The following PICALM variants were observed in gnomAD, a reference collection of about 807,000 sequenced individuals.
PICALM encodes phosphatidylinositol binding clathrin assembly protein, also known as phosphatidylinositol-binding clathrin assembly protein.
A neutral mutation model predicts 80.5 loss-of-function variants in PICALM; 40 were observed. That is an observed-to-expected ratio of 0.50 (90% CI 0.39 to 0.65). The LOEUF (loss-of-function observed/expected upper bound fraction) is 0.65, where lower values mean the gene tolerates loss of function less well. Ranked by LOEUF, PICALM falls within the 30% of genes least tolerant of loss-of-function variation. The probability of loss-of-function intolerance (pLI) is 0.00; values close to 1 mark genes in which losing one functional copy is unlikely to be tolerated. For missense variants in PICALM, 676 were observed against 778.9 expected (o/e 0.87, Z 1.57); for synonymous variants, 288 against 260.3 (o/e 1.11, Z -1.02).
At chr11:85,970,780 G>A (rs2094081271) in intron 19 of PICALM, among the ~76,000 whole-genome samples, 1 of 152,152 alleles carries the variant, frequency 6.6e-6, no homozygotes, top group African/African-American at 2.4e-5. Context: ...TCCAGCCTGG[G>A]GGACAGAGTG....
At chr11:86,064,387 TG>T (rs2096412807) in intron 1 of PICALM, among the ~76,000 whole-genome samples, 1 of 152,188 alleles carries the variant, frequency 6.6e-6, no homozygotes, top group African/African-American at 2.4e-5. Flanking sequence ...ATACAGGATA[TG>T]GTGACTCACA....
intron 9 of PICALM, among the ~76,000 whole-genome samples, chr11:86,001,403 G>T (rs1053585797): frequency 3.9e-4 from 60 of 152,126 alleles, no homozygotes; most frequent in African/African-American, 1.3e-3. Context: ...CTTTGGAAAG[G>T]GTTCACAACA....
At chr11:86,008,624 G>GA (rs1360910952) in intron 7 of PICALM, among the ~76,000 whole-genome samples, 156 of 141,924 alleles carry the variant, frequency 1.1e-3, no homozygotes, top group East Asian at 9.6e-3. Flanking sequence ...CATCTCAGGA[G>GA]AAAAAAAAAA....
At chr11:85,997,635 T>C (rs145470082) in intron 11 of PICALM, among the ~76,000 whole-genome samples, 279 of 152,288 alleles carry the variant, frequency 1.8e-3, no homozygotes, top group African/African-American at 6.4e-3. Flanking sequence ...CGCATCCGGC[T>C]AATTTTTGTA....
chr11:86,062,385 G>C (rs1304177342), intron 1 of PICALM, among the ~76,000 whole-genome samples: 1 of 152,094 alleles, frequency 6.6e-6, no homozygotes, highest in Non-Finnish European at 1.5e-5. Context: ...GGGCGTGGTG[G>C]TGGGCACCTG....
At chr11:86,000,244 A>G (rs1352846411) in intron 11 of PICALM, among the ~76,000 whole-genome samples, 1 of 152,234 alleles carries the variant, frequency 6.6e-6, no homozygotes, top group Non-Finnish European at 1.5e-5. Flanking sequence ...TAAAACCAGG[A>G]AACAGATATG....
At chr11:86,012,478 T>C in intron 5 of PICALM, 86 bp from the exon 6 acceptor site, 1 of 753,190 alleles carries the variant, frequency 1.3e-6, no homozygotes, top group Non-Finnish European at 2.3e-6. Context: ...TAAGATACAG[T>C]AAATTCATGC....
At chr11:86,000,953 ACT>A in intron 10 of PICALM, 80 bp downstream of exon 10, 1 of 1,537,560 alleles carries the variant, frequency 6.5e-7, no homozygotes, top group South Asian at 1.2e-5. Flanking sequence ...TACATTTAAG[ACT>A]CTAAGTCTGT....
chr11:86,026,230 T>C, intron 3 of PICALM, 62 bp downstream of exon 3: 2 of 877,162 alleles, frequency 2.3e-6, no homozygotes, highest in Admixed American at 1.9e-5. Context: ...AGTTCTACTC[T>C]GGAGTAATCA....
chr11:86,019,973 A>G (rs747771241), intron 4 of PICALM, among the ~76,000 whole-genome samples: 19 of 152,290 alleles, frequency 1.2e-4, no homozygotes, highest in Middle Eastern at 6.8e-3. Flanking sequence ...AGGTCTTCAT[A>G]GCTACAAGGG....
intron 19 of PICALM, among the ~76,000 whole-genome samples, chr11:85,963,136 G>A (rs918772392): frequency 5.3e-5 from 8 of 152,064 alleles, no homozygotes; most frequent in African/African-American, 1.9e-4. Flanking sequence ...GGTTGCTAAA[G>A]AACATAAAAA....
chr11:86,030,961 T>A (rs1012665918), intron 2 of PICALM, among the ~76,000 whole-genome samples: 1 of 151,876 alleles, frequency 6.6e-6, no homozygotes, highest in African/African-American at 2.4e-5. Flanking sequence ...TACAAAAAAA[T>A]TTAAAAATAA....
At chr11:86,028,838 C>CTTT (rs71040205) in intron 2 of PICALM, among the ~76,000 whole-genome samples, 1 of 126,362 alleles carries the variant, frequency 7.9e-6, no homozygotes. Context: ...TTTTAATTTT[C>CTTT]TTTTTTTTTT....
intron 11 of PICALM, among the ~76,000 whole-genome samples, chr11:85,997,643 G>A (rs578155043): frequency 1.3e-5 from 2 of 152,150 alleles, no homozygotes; most frequent in African/African-American, 2.4e-5. Flanking sequence ...GCTAATTTTT[G>A]TATTTTTAAT....
intron 3 of PICALM, among the ~76,000 whole-genome samples, chr11:86,023,148 T>C (rs2095595036): frequency 6.6e-6 from 1 of 152,236 alleles, no homozygotes; most frequent in African/African-American, 2.4e-5. Context: ...TTTTAGTTAT[T>C]ACCTGGCTCA....
chr11:86,024,122 G>A lies in PICALM; in HGVS notation c.350-1653C>T, dbSNP rs141395939. ...CAGCCTAGGTGACAGAGCAAGCCCC[G>A]GTCTCTCTTACTCCAGCCTCAGCAA... On this transcript the variant is annotated intron_variant, in intron 3 of 19. Transcript: ENST00000393346. Among the ~76,000 whole-genome samples the A allele has an allele frequency of 2.7e-4, 41 of 151,898 alleles. 2 individuals are homozygous for A. The East Asian group carries it at 7.0e-3, about 26-fold the overall frequency.
intron 19 of PICALM, among the ~76,000 whole-genome samples, chr11:85,964,607 T>G (rs779439946): frequency 4.6e-5 from 7 of 152,194 alleles, no homozygotes; most frequent in Non-Finnish European, 1.0e-4. Flanking sequence ...TACCATCAAA[T>G]GTTCATCTAC....
Position 86,068,823 on chromosome 11 carries a change from G to A in PICALM, c.-43C>T, listed in dbSNP as rs764740421. On this transcript the variant is annotated 5_prime_UTR_variant, in exon 1 of 20. Coordinates refer to ENST00000393346, the MANE Select transcript of PICALM (RefSeq NM_007166.4). ...CACCCCACCCGCTCAGCAGCCGGCG[G>A]GGACTGGGACCCCCAAGAGCCGGAG... 43 of 1,557,234 alleles carry A rather than the reference G, an allele frequency of 2.8e-5. No homozygotes were observed. The highest frequency in any genetic ancestry group is 3.5e-5 in the Non-Finnish European group (41 of 1,155,724).
intron 1 of PICALM, among the ~76,000 whole-genome samples, chr11:86,066,443 A>G (rs2096449203): frequency 6.6e-6 from 1 of 152,208 alleles, no homozygotes; most frequent in African/African-American, 2.4e-5. Flanking sequence ...AGTGGTAGAG[A>G]AAAAGAACGA....
Sources: gnomAD v4.1 joint callset for allele counts (sites outside exome capture counted in the v4.1 genomes callset) on GRCh38, gnomAD v4.1.1 for gene constraint, MANE v1.5 for transcripts, NCBI Gene and HGNC (gene_info 2026-07-23, HGNC 2026-07-21) for gene names.